The following PTPRT variants were observed in gnomAD, a reference collection of about 807,000 sequenced individuals.
The protein encoded by PTPRT is receptor-type tyrosine-protein phosphatase T.
In PTPRT, 56 loss-of-function variants were observed where a neutral mutation model predicts 176.8. The observed-to-expected ratio is 0.32, with a 90% confidence interval of 0.26 to 0.40. PTPRT has a LOEUF of 0.40. PTPRT is among the 10% of genes least tolerant of loss of function. The pLI is 1.00. For missense variants in PTPRT, 1,540 were observed against 1,908.2 expected, an observed-to-expected ratio of 0.81 and a Z score of 3.60; for synonymous variants, 783 against 739.0, an observed-to-expected ratio of 1.06 and a Z score of -0.96.
intron 1 of PTPRT, among the ~76,000 whole-genome samples, chr20:43,142,978 T>G (rs2014062690): frequency 6.6e-6 from 1 of 152,176 alleles, no homozygotes. Context: ...CATCATCATC[T>G]CCACCTTACA....
chr20:42,655,046 A>G (rs2075100657), intron 7 of PTPRT, among the ~76,000 whole-genome samples: 1 of 152,226 alleles, frequency 6.6e-6, no homozygotes, highest in South Asian at 2.1e-4. Flanking sequence ...CCTATCAGCA[A>G]TGAGACATGT....
chr20:42,236,169 T>G (rs2056237683), intron 15 of PTPRT, 60 bp downstream of exon 15: 1 of 1,423,030 alleles, frequency 7.0e-7, no homozygotes, highest in Admixed American at 1.9e-5. Context: ...GTGCAGGAAA[T>G]GCATGCTACA....
At chr20:42,437,993 G>A (rs1459811208) in intron 9 of PTPRT, among the ~76,000 whole-genome samples, 2 of 152,190 alleles carry the variant, frequency 1.3e-5, no homozygotes, top group Non-Finnish European at 2.9e-5. Context: ...GATGTTTAAA[G>A]AGACACTTCA....
chr20:42,888,659 T>G lies in PTPRT; in HGVS notation c.89-2727A>C, dbSNP rs79530224. Among the ~76,000 whole-genome samples, 1,412 of 152,306 alleles carry G rather than the reference T, an allele frequency of 9.3e-3. 9 individuals are homozygous for G. The highest frequency in any genetic ancestry group is 0.016 in the Non-Finnish European group (1,103 of 68,030). On this transcript the variant is annotated intron_variant, in intron 1 of 30. Coordinates refer to ENST00000373187, the MANE Select transcript of PTPRT (RefSeq NM_007050.6). ...CCAAACCAAGGATAAGGTCTTTCAC[T>G]TATAAGGTAATAAGAGGGGCCAGGC...
intron 2 of PTPRT, among the ~76,000 whole-genome samples, chr20:42,857,546 A>T (rs763723235): frequency 3.9e-5 from 6 of 152,044 alleles, no homozygotes; most frequent in Non-Finnish European, 7.4e-5. Flanking sequence ...GAGTTGCCAG[A>T]TTCTTGACTA....
chr20:42,387,711 T>C (rs943350854), intron 9 of PTPRT, among the ~76,000 whole-genome samples: 1 of 152,074 alleles, frequency 6.6e-6, no homozygotes, highest in Non-Finnish European at 1.5e-5. Flanking sequence ...TGAATATACC[T>C]ACAGACAATT....
chr20:43,076,706 C>T (rs1057206058), intron 1 of PTPRT, among the ~76,000 whole-genome samples: 1 of 152,200 alleles, frequency 6.6e-6, no homozygotes, highest in Non-Finnish European at 1.5e-5. Context: ...GTCCTTATCC[C>T]ATGATGGTGC....
intron 27 of PTPRT, 54 bp downstream of exon 27, chr20:42,098,367 G>T: frequency 6.2e-7 from 1 of 1,605,494 alleles, no homozygotes; most frequent in Admixed American, 1.7e-5. Context: ...CTCCCTCCAG[G>T]TTTAGAGCAT....
intron 1 of PTPRT, among the ~76,000 whole-genome samples, chr20:42,921,515 C>T (rs907672875): frequency 2.6e-5 from 4 of 152,170 alleles, no homozygotes; most frequent in African/African-American, 4.8e-5. Flanking sequence ...AGCCCAGTAA[C>T]TGGAGGCTGC....
At chr20:42,762,946 T>C (rs1288090370) in intron 5 of PTPRT, among the ~76,000 whole-genome samples, 2 of 152,242 alleles carry the variant, frequency 1.3e-5, no homozygotes, top group Non-Finnish European at 2.9e-5. Flanking sequence ...TACTTTGTTT[T>C]ATGTGGATAA....
At chr20:42,511,298 C>G (rs1026479621) in intron 7 of PTPRT, among the ~76,000 whole-genome samples, 4 of 152,096 alleles carry the variant, frequency 2.6e-5, no homozygotes, top group South Asian at 2.1e-4. Flanking sequence ...TTAACCTGTT[C>G]TGCAAATAAT....
At chr20:42,665,161 C>G (rs1466333454) in intron 7 of PTPRT, among the ~76,000 whole-genome samples, 1 of 151,818 alleles carries the variant, frequency 6.6e-6, no homozygotes, top group African/African-American at 2.4e-5. Flanking sequence ...AGTGAACAGG[C>G]AACCTACAGA....
intron 26 of PTPRT, among the ~76,000 whole-genome samples, chr20:42,101,201 C>T (rs1280962621): frequency 2.6e-5 from 4 of 152,106 alleles, no homozygotes; most frequent in African/African-American, 9.7e-5. Flanking sequence ...AGATGTTTGC[C>T]TCTTATTGGA....
chr20:42,397,266 C>A (rs6513787), intron 9 of PTPRT, among the ~76,000 whole-genome samples: 26,780 of 152,170 alleles, frequency 0.18, 5,271 homozygotes, highest in African/African-American at 0.49. Context: ...AAACAAATCT[C>A]TAGGAAAGCC....
At chr20:43,095,409 T>A (rs1187372484) in intron 1 of PTPRT, among the ~76,000 whole-genome samples, 1 of 151,750 alleles carries the variant, frequency 6.6e-6, no homozygotes, top group Non-Finnish European at 1.5e-5. Flanking sequence ...CCAGATGGGG[T>A]TCAGAATTCA....
intron 1 of PTPRT, among the ~76,000 whole-genome samples, chr20:43,168,483 T>C (rs17751063): frequency 0.043 from 6,495 of 152,282 alleles, 194 homozygotes; most frequent in Non-Finnish European, 0.067. Context: ...AGTGGCTGTA[T>C]CATTATTTTC....
chr20:42,888,946 T>C (rs1328865241), intron 1 of PTPRT, among the ~76,000 whole-genome samples: 1 of 152,256 alleles, frequency 6.6e-6, no homozygotes, highest in East Asian at 1.9e-4. Context: ...GATGGTTTAA[T>C]TAACCAAATT....
chr20:42,557,612 G>T (rs762234941), intron 7 of PTPRT, among the ~76,000 whole-genome samples: 15 of 152,166 alleles, frequency 9.9e-5, no homozygotes, highest in Non-Finnish European at 7.4e-5. Flanking sequence ...GAGTAGAAGA[G>T]CAAATGGATC....
chr20:42,866,565 C>T (rs1414568001), intron 2 of PTPRT, among the ~76,000 whole-genome samples: 1 of 152,178 alleles, frequency 6.6e-6, no homozygotes, highest in Admixed American at 6.5e-5. Flanking sequence ...GCCTTTCACA[C>T]TGGCCAACAA....
Sources: allele counts gnomAD v4.1 joint callset (sites outside exome capture counted in the v4.1 genomes callset), GRCh38; gene constraint gnomAD v4.1.1; transcripts MANE v1.5; gene names NCBI Gene and HGNC (gene_info 2026-07-23, HGNC 2026-07-21).